Variants in SVIL observed in about 807,000 individuals in gnomAD.
The protein encoded by SVIL is supervillin.
SVIL carries 101 observed loss-of-function variants against 240.4 expected under a neutral mutation model. The ratio of observed to expected loss-of-function variants is 0.42; its 90% CI spans 0.36 to 0.50. SVIL has a LOEUF of 0.50. Among genes scored for constraint, SVIL ranks in the 20% least tolerant of loss-of-function variants. The pLI, the probability that SVIL is intolerant of heterozygous loss-of-function variation, is 0.01. For missense variants in SVIL, 2,512 were observed against 2,818.7 expected (o/e 0.89, Z 2.46); for synonymous variants, 999 against 1,100.0 (o/e 0.91, Z 1.82).
At chr10:29,518,142 C>G (rs189041239) in intron 16 of SVIL, among the ~76,000 whole-genome samples, 2 of 152,170 alleles carry the variant, frequency 1.3e-5, no homozygotes, top group African/African-American at 4.8e-5. Flanking sequence ...AATCCCAGCA[C>G]GTTGGGAGGC....
intron 6 of SVIL, 137 bp downstream of exon 6, chr10:29,550,460 A>G: frequency 9.4e-7 from 1 of 1,060,398 alleles, no homozygotes; most frequent in Non-Finnish European, 1.3e-6. Context: ...AAAAAAAAAG[A>G]ATCATATACT....
At chr10:29,533,990 C>A (rs1951567035) in intron 7 of SVIL, among the ~76,000 whole-genome samples, 1 of 152,222 alleles carries the variant, frequency 6.6e-6, no homozygotes, top group African/African-American at 2.4e-5. Flanking sequence ...ACAATCACCT[C>A]TCTTTTAAAG....
intron 2 of SVIL, among the ~76,000 whole-genome samples, chr10:29,681,765 C>T (rs1589505237): frequency 2.0e-5 from 3 of 152,322 alleles, no homozygotes; most frequent in East Asian, 3.9e-4. Context: ...AGCAGGACTT[C>T]CTCCTTGCTA....
At chr10:29,516,569 G>C (rs891066243) in intron 16 of SVIL, among the ~76,000 whole-genome samples, 6 of 152,218 alleles carry the variant, frequency 3.9e-5, no homozygotes, top group African/African-American at 9.6e-5. Flanking sequence ...GGCCTACGCA[G>C]GACATAAATT....
At chr10:29,661,028 G>C (rs1264739532) in intron 2 of SVIL, among the ~76,000 whole-genome samples, 2 of 152,116 alleles carry the variant, frequency 1.3e-5, no homozygotes, top group Admixed American at 1.3e-4. Context: ...TTAGCCAGGT[G>C]TGGTGGCACA....
chr10:29,499,814 G>C (rs181594327), intron 17 of SVIL, among the ~76,000 whole-genome samples: 3 of 151,930 alleles, frequency 2.0e-5, no homozygotes, highest in African/African-American at 7.3e-5. Flanking sequence ...GATGTTCTGC[G>C]GGCAGGTAGA....
At chr10:29,602,635 T>TG (rs1250119038) in intron 1 of SVIL, among the ~76,000 whole-genome samples, 1 of 152,228 alleles carries the variant, frequency 6.6e-6, no homozygotes, top group African/African-American at 2.4e-5. Context: ...TGCAATATAA[T>TG]GTTTAAAGAT....
intron 2 of SVIL, among the ~76,000 whole-genome samples, chr10:29,671,287 C>G (rs113051977): frequency 6.6e-6 from 1 of 152,134 alleles, no homozygotes; most frequent in Non-Finnish European, 1.5e-5. Context: ...CACGTAGCCC[C>G]GGGATAGATG....
intron 3 of SVIL, among the ~76,000 whole-genome samples, chr10:29,641,529 C>T (rs1365164560): frequency 6.6e-6 from 1 of 152,050 alleles, no homozygotes; most frequent in Non-Finnish European, 1.5e-5. Context: ...GATCGCGCCA[C>T]TGCACTCCTG....
Position 29,531,265 on chromosome 10 carries a change from G to A in SVIL, c.2033C>T (p.Pro678Leu), listed in dbSNP as rs773692268. Residue 678 changes from proline (P) to leucine (L), a missense_variant, in exon 10 of 38, where the codon CCA (proline) becomes CTA (leucine). Pro to Leu is a moderately conservative substitution (Grantham distance 98). Around this residue, in one of 3 missense-constraint regions of SVIL, gnomAD observed 1,443 missense variants for 1,486.6 expected, o/e 0.97. Coordinates refer to ENST00000355867, the MANE Select transcript of SVIL (RefSeq NM_021738.3). ...AAACAGGTACTTGCCATCGACAGTT[G>A]GCGTTTCTGAATGTGAAGTGCACCT... ...SDRCTSHSETPTVDDEEKVDE... is the reference protein window; with the variant it reads ...SDRCTSHSETLTVDDEEKVDE... 49 of 1,613,964 alleles carry A rather than the reference G, an allele frequency of 3.0e-5. No homozygotes were observed. The highest frequency in any genetic ancestry group is 4.2e-5 in the Non-Finnish European group (49 of 1,179,984).
At chr10:29,465,844 C>G in intron 33 of SVIL, 94 bp from the exon 34 acceptor site, 1 of 1,478,850 alleles carries the variant, frequency 6.8e-7, no homozygotes, top group Non-Finnish European at 9.2e-7. Flanking sequence ...TAATTCAAAG[C>G]ACTGTGGAAA....
chr10:29,558,945 A>ATG (rs1954195904), intron 3 of SVIL, among the ~76,000 whole-genome samples: 1 of 147,678 alleles, frequency 6.8e-6, no homozygotes, highest in Admixed American at 6.8e-5. Context: ...ATATATATAT[A>ATG]TAAAAAATAT....
At chr10:29,504,284 G>A (rs539883000) in intron 17 of SVIL, among the ~76,000 whole-genome samples, 1 of 152,290 alleles carries the variant, frequency 6.6e-6, no homozygotes, top group South Asian at 2.1e-4. Context: ...CTTGGATTTG[G>A]TGATTAGTTT....
chr10:29,575,586 C>G (rs1465017607), intron 1 of SVIL, among the ~76,000 whole-genome samples: 1 of 152,218 alleles, frequency 6.6e-6, no homozygotes, highest in Non-Finnish European at 1.5e-5. Flanking sequence ...GTATTTGGCA[C>G]TAAGACCCTT....
chr10:29,588,888 A>G lies in SVIL; in HGVS notation c.-200-19576T>C, dbSNP rs566956762. On this transcript the variant is annotated intron_variant, in intron 1 of 37. Transcript: ENST00000355867. ...ATCAGAGCCTCACAAGAATGTGACCACTTGCCTCACTTCCTACCTCCCCCA... is the reference window on the plus strand; with the variant it reads ...ATCAGAGCCTCACAAGAATGTGACCGCTTGCCTCACTTCCTACCTCCCCCA... Among the ~76,000 whole-genome samples the G allele has an allele frequency of 1.2e-3, 176 of 152,194 alleles. 1 individual carries two copies. The highest frequency in any genetic ancestry group is 3.9e-3 in the African/African-American group (163 of 41,532).
chr10:29,529,601 C>A, intron 12 of SVIL, 104 bp downstream of exon 12: 1 of 1,359,920 alleles, frequency 7.4e-7, no homozygotes, highest in Admixed American at 3.2e-5. Flanking sequence ...TGGCTTCTAG[C>A]TAAATCACCT....
chr10:29,604,702 C>G (rs1327400881), intron 1 of SVIL, among the ~76,000 whole-genome samples: 1 of 151,952 alleles, frequency 6.6e-6, no homozygotes, highest in Non-Finnish European at 1.5e-5. Flanking sequence ...GTAGCTAGGT[C>G]TACAGGTGCA....
chr10:29,656,238 A>G (rs999003543), intron 3 of SVIL, among the ~76,000 whole-genome samples: 1 of 151,502 alleles, frequency 6.6e-6, no homozygotes, highest in Non-Finnish European at 1.5e-5. Context: ...CTTTCTCTGC[A>G]CAAGACATCC....
chr10:29,474,452 T>C (rs2132324387), intron 29 of SVIL, among the ~76,000 whole-genome samples: 1 of 152,212 alleles, frequency 6.6e-6, no homozygotes, highest in East Asian at 1.9e-4. Context: ...GAAATTAGCC[T>C]GGTGTGGTGT....
Sources: allele counts gnomAD v4.1 joint callset (sites outside exome capture counted in the v4.1 genomes callset), GRCh38; gene constraint gnomAD v4.1.1; regional missense constraint gnomAD v4.1.1; transcripts MANE v1.5; gene names NCBI Gene and HGNC (gene_info 2026-07-23, HGNC 2026-07-21).